RFC5: variants seen among roughly 807,000 people sequenced by gnomAD.
RFC5 encodes A1 36 kDa subunit.
Under a neutral mutation model 44.3 loss-of-function variants are expected in RFC5, and 26 were observed. The ratio of observed to expected loss-of-function variants is 0.59; its 90% CI spans 0.43 to 0.81. RFC5 has a LOEUF of 0.81. RFC5 is among the 40% of genes least tolerant of loss of function. The pLI, the probability that RFC5 is intolerant of heterozygous loss-of-function variation, is 0.00. For synonymous variants in RFC5, 155 were observed against 155.2 expected (o/e 1.00, Z 0.01); for missense variants, 328 against 418.6 (o/e 0.78, Z 1.89).
chr12:118,035,243 G>A (rs2031481988), downstream of RFC5: 1 of 1,614,100 alleles, frequency 6.2e-7, no homozygotes, highest in Non-Finnish European at 8.5e-7. Context: ...CAAGGTACAA[G>A]CCTTCTGGAG....
At chr12:118,037,528 C>T (rs1450745689), downstream of RFC5, among the ~76,000 whole-genome samples, 2 of 151,922 alleles carry the variant, frequency 1.3e-5, no homozygotes, top group East Asian at 3.9e-4. Flanking sequence ...ATTAGCCAGG[C>T]GTGGTGTAGC....
chr12:118,023,425 GA>G (rs1198832557), intron 5 of RFC5, among the ~76,000 whole-genome samples: 19 of 29,186 alleles, frequency 6.5e-4, no homozygotes, highest in East Asian at 2.1e-3. Context: ...GGGAGGAGGG[GA>G]GGAAGAGGAG....
chr12:118,024,966 T>C lies in RFC5; in HGVS notation c.537T>C (p.Pro179=). ...GGTTTCGGTTCGGTCCCCTGACTCC[T>C]GAACTCATGGTTCCCCGCCTGGAAC... ...CTRFRFGPLT[P]ELMVPRLEHV... The change falls in exon 6 of 11, where the codon CCT becomes CCC. Residue 179 remains proline (P), a synonymous_variant. Transcript: ENST00000454402. The C allele has an allele frequency of 6.8e-6, 11 of 1,614,144 alleles. No individual in the cohort carries two copies. Among genetic ancestry groups the C allele is most frequent in the Non-Finnish European group, 9.3e-6 (11 of 1,179,994 alleles).
intron 9 of RFC5, among the ~76,000 whole-genome samples, chr12:118,028,642 T>TAAAA (rs774341657): frequency 7.4e-6 from 1 of 136,036 alleles, no homozygotes; most frequent in Non-Finnish European, 1.6e-5. Context: ...TTCACATTTC[T>TAAAA]AAAAAAAAAA....
intron 1 of RFC5, chr12:118,018,158 T>C: frequency 1.7e-6 from 1 of 600,324 alleles, no homozygotes; most frequent in Non-Finnish European, 3.0e-6. Flanking sequence ...GTAGTTAATT[T>C]CTTGTTATGG....
At chr12:118,035,081 G>A (rs202062993), downstream of RFC5, 29 of 1,614,212 alleles carry the variant, frequency 1.8e-5, no homozygotes, top group Non-Finnish European at 2.4e-5. Flanking sequence ...CCAGGGCCCA[G>A]ATCCTGAGGA....
intron 1 of RFC5, chr12:118,017,717 C>G (rs921362081): frequency 4.1e-6 from 3 of 733,008 alleles, no homozygotes; most frequent in African/African-American, 3.5e-5. Context: ...GTCGCCCATG[C>G]TGGAGCGCAG....
chr12:118,037,442 G>A (rs1002910515), downstream of RFC5, among the ~76,000 whole-genome samples: 7 of 152,074 alleles, frequency 4.6e-5, no homozygotes, highest in African/African-American at 1.7e-4. Flanking sequence ...CCAGGCGGGC[G>A]GATCACCTGA....
chr12:118,033,857 G>A (rs1315215045), downstream of RFC5: 6 of 289,812 alleles, frequency 2.1e-5, no homozygotes, highest in Admixed American at 1.8e-4. Context: ...GGCTCTGGAG[G>A]CCTACTTAGT....
chr12:118,023,507 G>GGGAGGA (rs201689875), intron 5 of RFC5, among the ~76,000 whole-genome samples: 2 of 137,780 alleles, frequency 1.5e-5, no homozygotes, highest in African/African-American at 3.0e-5. Context: ...GGAGAGGTGG[G>GGGAGGA]GGAGGAGGAG....
downstream of RFC5, among the ~76,000 whole-genome samples, chr12:118,036,865 G>C (rs939223191): frequency 4.6e-5 from 7 of 152,196 alleles, no homozygotes; most frequent in African/African-American, 1.2e-4. Context: ...CCTGAGCCAA[G>C]TGCTATCTTA....
downstream of RFC5, chr12:118,035,249 T>C (rs9788041): frequency 0.28 from 453,012 of 1,613,944 alleles, 68,409 homozygotes; most frequent in East Asian, 0.55. Context: ...ACAAGCCTTC[T>C]GGAGAGAAGC....
intron 9 of RFC5, 104 bp from the exon 10 acceptor site, chr12:118,029,667 G>A: frequency 1.2e-6 from 1 of 810,688 alleles, no homozygotes; most frequent in South Asian, 1.3e-5. Flanking sequence ...GAGGCCTCAG[G>A]ACTAGTTCAG....
downstream of RFC5, chr12:118,034,897 G>T: frequency 7.6e-7 from 1 of 1,321,542 alleles, no homozygotes; most frequent in Non-Finnish European, 1.1e-6. Context: ...TCATAGGCAA[G>T]AAAATTCTAG....
chr12:118,036,297 G>A (rs1027888063), downstream of RFC5: 3 of 1,594,040 alleles, frequency 1.9e-6, no homozygotes, highest in South Asian at 3.4e-5. Context: ...TTCCTCATCA[G>A]TCCCCCCACA....
downstream of RFC5, chr12:118,036,455 T>C: frequency 6.2e-7 from 1 of 1,614,154 alleles, no homozygotes; most frequent in Non-Finnish European, 8.5e-7. Flanking sequence ...AACACTGCTT[T>C]GATGGCCCTC....
In RFC5 at chr12:118,016,853, A is replaced by G. The variant is rs368901773; in HGVS notation, c.26A>G (p.Gln9Arg). 1.2e-5 allele frequency: 19 copies of G among 1,613,476 alleles called. No homozygotes were observed. The highest frequency in any genetic ancestry group is 1.6e-4 in the Middle Eastern group (1 of 6,084). ...ATGGAGACCTCAGCACTCAAGCAGC[A>G]GGAGCAGCCCGCGGCGACCAAGATC... METSALKQ[Q>R]EQPAATKIRN... is the part of the protein sequence containing the mutation. The change falls in exon 1 of 11, where the codon CAG becomes CGG. Residue 9 changes from glutamine to arginine, a missense_variant. Coordinates refer to ENST00000454402, the MANE Select transcript of RFC5 (RefSeq NM_007370.7).
downstream of RFC5, chr12:118,034,969 A>T: frequency 6.2e-7 from 1 of 1,610,574 alleles, no homozygotes; most frequent in East Asian, 2.2e-5. Context: ...CCATCTGTTC[A>T]GCTAACAAAT....
rs193007533 is a variant in RFC5 at position 118,027,854 on chromosome 12, G to C, written c.794-99G>C. The C allele has an allele frequency of 1.5e-5, 11 of 745,142 alleles. No individual in the cohort carries two copies. In the African/African-American group the frequency reaches 1.9e-4, roughly 13 times the overall value. 46.2% of individuals were successfully genotyped at this position (745,142 alleles called of 1,614,324 possible). A position where few individuals can be genotyped will look rare whatever the true frequency, so the allele number is the denominator to read the frequency against. The stretch of plus-strand genomic sequence containing the variant: ...AGAAACAGTTGTGTTGGGATTAAAA[G>C]CCTTACTTTAAAAAGTCTCTTGCCC... On this transcript the variant is annotated intron_variant, in intron 8 of 10. Coordinates refer to ENST00000454402, the MANE Select transcript of RFC5 (RefSeq NM_007370.7).
Sources: allele counts gnomAD v4.1 joint callset (sites outside exome capture counted in the v4.1 genomes callset), GRCh38; gene constraint gnomAD v4.1.1; transcripts MANE v1.5; gene names NCBI Gene and HGNC (gene_info 2026-07-23, HGNC 2026-07-21).